The following KLF12 variants were observed in gnomAD, a reference collection of about 807,000 sequenced individuals.
The protein encoded by KLF12 is KLF transcription factor 12.
In KLF12, 9 loss-of-function variants were observed where a neutral mutation model predicts 37.8. The observed-to-expected ratio is 0.24, with a 90% CI of 0.14 to 0.42. The LOEUF is 0.42. KLF12 is among the 10% of genes least tolerant of loss of function. The probability of loss-of-function intolerance (pLI) is 1.00; values close to 1 mark genes in which losing one functional copy is unlikely to be tolerated. For synonymous variants in KLF12, 208 were observed against 202.1 expected (o/e 1.03, Z -0.25); for missense variants, 411 against 516.0 (o/e 0.80, Z 1.97).
chr13:74,254,081 T>C, the KLF12 span, among the ~76,000 whole-genome samples: 24 of 152,376 alleles, frequency 1.6e-4, no homozygotes, highest in Non-Finnish European at 3.4e-4. Flanking sequence ...CTTTTAATTA[T>C]TGTTTAACCC....
chr13:74,127,510 T>C (rs974477260), intron 1 of KLF12, among the ~76,000 whole-genome samples: 1 of 152,208 alleles, frequency 6.6e-6, no homozygotes, highest in Non-Finnish European at 1.5e-5. Context: ...AAAGTGATGC[T>C]GATGTTTGCA....
the KLF12 span, among the ~76,000 whole-genome samples, chr13:74,183,240 T>C: frequency 6.6e-6 from 1 of 152,108 alleles, no homozygotes; most frequent in Non-Finnish European, 1.5e-5. Flanking sequence ...GTTTGTACTC[T>C]ACAAGAGGAA....
At chr13:74,165,760 TACA>T in the KLF12 span, among the ~76,000 whole-genome samples, 1 of 152,208 alleles carries the variant, frequency 6.6e-6, no homozygotes, top group Non-Finnish European at 1.5e-5. Context: ...TCTCATTAGC[TACA>T]ACTCCTTCAC....
chr13:74,130,682 G>T lies in KLF12; in HGVS notation c.-32+3057C>A, dbSNP rs181460403. Among the ~76,000 whole-genome samples, 173 of 150,494 alleles carry T rather than the reference G, an allele frequency of 1.1e-3. 1 individual carries two copies. The highest frequency in any genetic ancestry group is 3.4e-3 in the African/African-American group (138 of 41,132). On this transcript the variant is annotated intron_variant, in intron 1 of 7. Coordinates refer to ENST00000377669, the MANE Select transcript of KLF12 (RefSeq NM_007249.5). ...AAAAGCTGTTTTCTAAGCAGAAAAG[G>T]TAATAATGGTGTTGATTTTGAATAA...
At chr13:74,226,907 C>T in the KLF12 span, among the ~76,000 whole-genome samples, 1 of 152,040 alleles carries the variant, frequency 6.6e-6, no homozygotes, top group Non-Finnish European at 1.5e-5. Context: ...TGTTTGTTTC[C>T]CAGTGTACCC....
chr13:73,999,087 G>A (rs893253792), intron 1 of KLF12, among the ~76,000 whole-genome samples: 4 of 152,148 alleles, frequency 2.6e-5, no homozygotes, highest in Non-Finnish European at 5.9e-5. Flanking sequence ...GCAAATCATG[G>A]CTATAGGAAA....
chr13:74,163,238 C>A, the KLF12 span, among the ~76,000 whole-genome samples: 2 of 152,074 alleles, frequency 1.3e-5, no homozygotes, highest in Non-Finnish European at 2.9e-5. Flanking sequence ...TGGGTATACA[C>A]CCAAAAGAAA....
At chr13:73,931,244 T>G (rs1043645984) in intron 3 of KLF12, among the ~76,000 whole-genome samples, 6 of 152,200 alleles carry the variant, frequency 3.9e-5, no homozygotes, top group Non-Finnish European at 7.3e-5. Context: ...GGCAGTTACT[T>G]TTTGATTACT....
At chr13:74,208,076 T>G in the KLF12 span, among the ~76,000 whole-genome samples, 1 of 152,188 alleles carries the variant, frequency 6.6e-6, no homozygotes, top group Non-Finnish European at 1.5e-5. Context: ...TAAGTTTAAG[T>G]TCAAAGAAGT....
intron 7 of KLF12, among the ~76,000 whole-genome samples, chr13:73,707,042 G>A (rs886573231): frequency 6.6e-6 from 1 of 152,216 alleles, no homozygotes; most frequent in African/African-American, 2.4e-5. Context: ...CTGAAGGGCT[G>A]ATGCTGAACA....
intron 1 of KLF12, among the ~76,000 whole-genome samples, chr13:73,997,511 T>C (rs1338645587): frequency 6.6e-6 from 1 of 152,214 alleles, no homozygotes; most frequent in East Asian, 1.9e-4. Context: ...ATAGAACAGA[T>C]ACATCTCTAA....
chr13:73,906,163 A>C (rs1888283006), intron 3 of KLF12, among the ~76,000 whole-genome samples: 1 of 152,228 alleles, frequency 6.6e-6, no homozygotes, highest in African/African-American at 2.4e-5. Flanking sequence ...AAAAGGAAAA[A>C]AATACTAAAA....
the KLF12 span, among the ~76,000 whole-genome samples, chr13:74,260,416 T>C: frequency 6.6e-6 from 1 of 151,796 alleles, no homozygotes; most frequent in East Asian, 1.9e-4. Context: ...ATTAGCTGGG[T>C]GTGGTGGTGC....
chr13:73,786,132 G>T (rs1228651168), intron 5 of KLF12, among the ~76,000 whole-genome samples: 11 of 152,146 alleles, frequency 7.2e-5, no homozygotes, highest in Non-Finnish European at 1.0e-4. Flanking sequence ...TGGGGCAGCT[G>T]GGGAGAGATT....
chr13:73,952,121 T>C (rs1229151354), intron 2 of KLF12, among the ~76,000 whole-genome samples: 1 of 152,200 alleles, frequency 6.6e-6, no homozygotes, highest in Non-Finnish European at 1.5e-5. Flanking sequence ...ATAATGTTCA[T>C]TGGAGAAGTA....
At chr13:74,187,263 G>A in the KLF12 span, among the ~76,000 whole-genome samples, 1 of 152,038 alleles carries the variant, frequency 6.6e-6, no homozygotes, top group Non-Finnish European at 1.5e-5. Flanking sequence ...GATTGGGGCT[G>A]CAGTGAGCAG....
At chr13:73,726,139 A>G (rs1876651918) in intron 6 of KLF12, among the ~76,000 whole-genome samples, 1 of 152,050 alleles carries the variant, frequency 6.6e-6, no homozygotes, top group African/African-American at 2.4e-5. Flanking sequence ...AGGCGTGAGT[A>G]ACCGTGCCCA....
intron 6 of KLF12, among the ~76,000 whole-genome samples, chr13:73,718,349 AAAAC>A (rs1875972365): frequency 6.6e-6 from 1 of 152,232 alleles, no homozygotes; most frequent in Non-Finnish European, 1.5e-5. Flanking sequence ...CAGAGAAACA[AAAAC>A]AAAGGCTACA....
chr13:73,900,721 T>C (rs888381673), intron 3 of KLF12, among the ~76,000 whole-genome samples: 1 of 152,204 alleles, frequency 6.6e-6, no homozygotes, highest in Non-Finnish European at 1.5e-5. Context: ...GAATTCATTC[T>C]GCTGCCAAAA....
Sources: allele counts gnomAD v4.1 joint callset (sites outside exome capture counted in the v4.1 genomes callset), GRCh38; gene constraint gnomAD v4.1.1; transcripts MANE v1.5; gene names NCBI Gene and HGNC (gene_info 2026-07-23, HGNC 2026-07-21).